PUS7: variants seen among roughly 807,000 people sequenced by gnomAD.
PUS7 encodes the protein pseudouridine synthase 7.
In PUS7, 48 loss-of-function variants were observed where a neutral mutation model predicts 79.8. The observed-to-expected ratio is 0.60, with a 90% CI of 0.48 to 0.76. The LOEUF is 0.76. Ranked by LOEUF, PUS7 falls within the 30% of genes least tolerant of loss-of-function variation. PUS7 has a pLI of 0.00. For missense variants in PUS7, 729 were observed against 797.6 expected, an observed-to-expected ratio of 0.91 and a Z score of 1.04; for synonymous variants, 286 against 272.2, an observed-to-expected ratio of 1.05 and a Z score of -0.50.
intron 5 of PUS7, among the ~76,000 whole-genome samples, chr7:105,500,438 C>CT (rs2133217460): frequency 6.6e-6 from 1 of 152,232 alleles, no homozygotes; most frequent in East Asian, 1.9e-4. Flanking sequence ...TGCAAATGCC[C>CT]TCCACCCTCT....
At chr7:105,471,999 T>C (rs911925287) in intron 10 of PUS7, 133 bp downstream of exon 10, 6 of 604,444 alleles carry the variant, frequency 9.9e-6, no homozygotes, top group African/African-American at 7.6e-5. Flanking sequence ...AATAAACTTA[T>C]ACTTTTATTG....
chr7:105,490,522 C>T (rs1824739232), intron 7 of PUS7, among the ~76,000 whole-genome samples: 2 of 152,116 alleles, frequency 1.3e-5, no homozygotes, highest in Admixed American at 6.5e-5. Flanking sequence ...TCTTGCTCCA[C>T]CGGCGATCCA....
At chr7:105,477,431 G>A (rs1187584642) in intron 9 of PUS7, among the ~76,000 whole-genome samples, 2 of 151,728 alleles carry the variant, frequency 1.3e-5, no homozygotes, top group African/African-American at 4.8e-5. Context: ...TGTATTTTTA[G>A]TAGAGGCGGG....
At chr7:105,481,487 T>A (rs1278620159) in intron 8 of PUS7, among the ~76,000 whole-genome samples, 1 of 152,204 alleles carries the variant, frequency 6.6e-6, no homozygotes, top group Non-Finnish European at 1.5e-5. Context: ...AAATAATTCC[T>A]ACATGCTTAG....
intron 12 of PUS7, among the ~76,000 whole-genome samples, chr7:105,467,266 C>T (rs1343006787): frequency 6.7e-6 from 1 of 148,964 alleles, no homozygotes; most frequent in African/African-American, 2.5e-5. Flanking sequence ...ACTAAATGCC[C>T]ATTCTATTTG....
chr7:105,474,340 C>T (rs1486029415), intron 9 of PUS7, among the ~76,000 whole-genome samples: 6 of 152,066 alleles, frequency 3.9e-5, no homozygotes, highest in Non-Finnish European at 5.9e-5. Flanking sequence ...TTAAATCAGT[C>T]CTTAAATATA....
intron 1 of PUS7, among the ~76,000 whole-genome samples, chr7:105,518,505 G>T (rs1011803250): frequency 4.6e-5 from 7 of 151,102 alleles, no homozygotes; most frequent in Non-Finnish European, 1.0e-4. Flanking sequence ...CAGCTCAAGC[G>T]ATCCTCCCAC....
chr7:105,519,617 C>T (rs928725392), intron 1 of PUS7, among the ~76,000 whole-genome samples: 4 of 152,178 alleles, frequency 2.6e-5, no homozygotes, highest in Admixed American at 2.6e-4. Context: ...ATTTACTGAG[C>T]AAGTGTCCTA....
chr7:105,514,246 T>C (rs711434), intron 1 of PUS7, among the ~76,000 whole-genome samples: 3 of 109,916 alleles, frequency 2.7e-5, no homozygotes, highest in Non-Finnish European at 5.7e-5. Flanking sequence ...AAAAAAAAAA[T>C]AGTTATTATG....
chr7:105,521,684 T>C (rs933870695), intron 1 of PUS7, among the ~76,000 whole-genome samples: 1 of 151,412 alleles, frequency 6.6e-6, no homozygotes, highest in African/African-American at 2.4e-5. Context: ...GGGACAAGAG[T>C]TTAGGGAGCG....
intron 6 of PUS7, among the ~76,000 whole-genome samples, chr7:105,494,700 G>A (rs759969565): frequency 1.1e-4 from 16 of 152,054 alleles, no homozygotes; most frequent in East Asian, 5.8e-4. Flanking sequence ...GAGCCACTGC[G>A]CCAGGCCGAT....
intron 9 of PUS7, among the ~76,000 whole-genome samples, chr7:105,479,119 T>C (rs937734294): frequency 9.2e-5 from 14 of 152,206 alleles, no homozygotes; most frequent in Admixed American, 6.6e-4. Context: ...GGCATAAAAA[T>C]AGATGTAGCA....
At chr7:105,473,357 C>CTCCTGCA (rs1317215557) in intron 9 of PUS7, among the ~76,000 whole-genome samples, 5 of 151,950 alleles carry the variant, frequency 3.3e-5, no homozygotes, top group Non-Finnish European at 5.9e-5. Flanking sequence ...TTAAGCAATT[C>CTCCTGCA]TCCTGCATCA....
intron 1 of PUS7, among the ~76,000 whole-genome samples, chr7:105,515,660 T>C (rs1294984937): frequency 3.3e-5 from 5 of 152,060 alleles, no homozygotes; most frequent in African/African-American, 1.2e-4. Context: ...CACAGAGTCT[T>C]GCTGTCACCC....
intron 2 of PUS7, among the ~76,000 whole-genome samples, chr7:105,506,911 T>C (rs1443185478): frequency 6.6e-6 from 1 of 152,224 alleles, no homozygotes; most frequent in African/African-American, 2.4e-5. Flanking sequence ...GCTATATGGT[T>C]AATTGAATCA....
chr7:105,485,370 C>T (rs546918118), intron 7 of PUS7, among the ~76,000 whole-genome samples: 6 of 152,074 alleles, frequency 3.9e-5, no homozygotes, highest in Admixed American at 1.3e-4. Flanking sequence ...GCACCATGCC[C>T]GGCTAATTTT....
chr7:105,497,515 G>T (rs888842195), intron 5 of PUS7, among the ~76,000 whole-genome samples: 1 of 152,154 alleles, frequency 6.6e-6, no homozygotes, highest in South Asian at 2.1e-4. Flanking sequence ...AAAGATTTAA[G>T]AGACGACTTA....
At chr7:105,493,149 T>G (rs1421617782) in intron 6 of PUS7, among the ~76,000 whole-genome samples, 2 of 152,240 alleles carry the variant, frequency 1.3e-5, no homozygotes, top group Non-Finnish European at 2.9e-5. Flanking sequence ...TATCTTCAGT[T>G]TTTAAAAAGT....
chr7:105,509,994 C>T (rs1018329106), intron 1 of PUS7, among the ~76,000 whole-genome samples: 2 of 152,008 alleles, frequency 1.3e-5, no homozygotes, highest in Admixed American at 6.6e-5. Context: ...ATGTATTATC[C>T]TTTCAAAAAA....
Sources: gnomAD v4.1 joint callset for allele counts (sites outside exome capture counted in the v4.1 genomes callset) on GRCh38, gnomAD v4.1.1 for gene constraint, MANE v1.5 for transcripts, NCBI Gene and HGNC (gene_info 2026-07-23, HGNC 2026-07-21) for gene names.